Variants in PLXND1 observed in about 807,000 individuals in gnomAD.
The protein encoded by PLXND1 is plexin D1, also known as plexin-D1.
Under a neutral mutation model 197.7 loss-of-function variants are expected in PLXND1, and 54 were observed. The observed-to-expected ratio is 0.27, with a 90% CI of 0.22 to 0.34. PLXND1 has a LOEUF of 0.34. Among genes scored for constraint, PLXND1 ranks in the 10% least tolerant of loss-of-function variants. The pLI, the probability that PLXND1 is intolerant of heterozygous loss-of-function variation, is 1.00. For synonymous variants in PLXND1, 1,180 were observed against 1,161.2 expected (o/e 1.02, Z -0.33); for missense variants, 2,127 against 2,699.2 (o/e 0.79, Z 4.70).
intron 5 of PLXND1, among the ~76,000 whole-genome samples, chr3:129,585,035 G>A (rs2085439482): frequency 6.6e-6 from 1 of 152,110 alleles, no homozygotes; most frequent in African/African-American, 2.4e-5. Context: ...ATCACCTTCA[G>A]GTTTTATCTT....
intron 2 of PLXND1, 25 bp downstream of exon 2, chr3:129,589,326 T>TCC: frequency 2.1e-6 from 1 of 466,608 alleles, no homozygotes; most frequent in Non-Finnish European, 3.7e-6. Flanking sequence ...CCCCACCCCC[T>TCC]CCCCACATCC....
chr3:129,567,480 G>A lies in PLXND1; in HGVS notation c.4086+12C>T, dbSNP rs760927383. ...TGGCACAGGTTCAGGGCAGGCTCAG[G>A]CTCGGGCTGACCTTGGGGAAGAAGG... On this transcript the variant is annotated intron_variant, in intron 22 of 35. Coordinates refer to ENST00000324093, the MANE Select transcript of PLXND1 (RefSeq NM_015103.3). 16 of 1,516,564 alleles carry A rather than the reference G, an allele frequency of 1.1e-5. No individual in the cohort carries two copies. Among genetic ancestry groups the A allele is most frequent in the Non-Finnish European group, 1.5e-5 (16 of 1,101,712 alleles). 93.9% of individuals were successfully genotyped at this position (1,516,564 alleles called of 1,614,324 possible). A position where few individuals can be genotyped will look rare whatever the true frequency, so the allele number is the denominator to read the frequency against.
rs867876946 is a variant in PLXND1 at position 129,565,432 on chromosome 3, TG to T, written c.4428del (p.Lys1477ArgfsTer82). The T allele has an allele frequency of 6.2e-7, 1 of 1,614,002 alleles. No individual in the cohort carries two copies. The highest frequency in any genetic ancestry group is 1.3e-5 in the African/African-American group (1 of 74,942). The part of the protein sequence containing the change: ...LLVDLIDASA[A>X]KNPKLMLRRT... ...CGCCGCAGCATGAGCTTGGGGTTCT[TG>T]GCGGCCGAGGCGTCAATGAGGTCCA... On this transcript the variant is annotated frameshift_variant, in exon 25 of 36. Transcript: ENST00000324093. LOFTEE classifies it high-confidence loss of function.
intron 15 of PLXND1, among the ~76,000 whole-genome samples, 169 bp from the exon 16 acceptor site, chr3:129,572,013 C>A (rs112834794): frequency 1.3e-5 from 2 of 152,158 alleles, no homozygotes; most frequent in Admixed American, 1.3e-4. Flanking sequence ...TTTCCTTACA[C>A]TTCCAAATTC....
chr3:129,584,729 T>A (rs58656084), intron 5 of PLXND1, among the ~76,000 whole-genome samples, 167 bp from the exon 6 acceptor site: 7,776 of 152,254 alleles, frequency 0.051, 288 homozygotes, highest in East Asian at 0.12. Flanking sequence ...CATGTGACCC[T>A]CTGAGCCTCA....
chr3:129,578,037 G>A (rs1011700025), intron 9 of PLXND1, among the ~76,000 whole-genome samples: 1 of 152,214 alleles, frequency 6.6e-6, no homozygotes, highest in African/African-American at 2.4e-5. Flanking sequence ...CTGTGGCACG[G>A]GGCAGGAGAG....
chr3:129,556,441 G>C lies in PLXND1; in HGVS notation c.5662-13C>G. The stretch of plus-strand genomic sequence containing the variant: ...GCGCGGCCATGATCTGAGGGGAGCA[G>C]CGGAGTCAGCCGGGCCATGGCCGGT... On this transcript the variant is annotated splice_polypyrimidine_tract_variant and intron_variant, in intron 35 of 35. Transcript: ENST00000324093. 1 of 1,603,292 alleles carries C rather than the reference G, an allele frequency of 6.2e-7. No homozygotes were observed. The highest frequency in any genetic ancestry group is 1.7e-4 in the Middle Eastern group (1 of 6,034).
chr3:129,603,415 C>A (rs893965283), intron 1 of PLXND1, among the ~76,000 whole-genome samples: 3 of 152,204 alleles, frequency 2.0e-5, no homozygotes, highest in African/African-American at 7.2e-5. Flanking sequence ...CACAGATCAG[C>A]TTACACCAAA....
rs1489595040 is a variant in PLXND1 at position 129,589,485 on chromosome 3, G to A, written c.1354C>T (p.His452Tyr). 2 of 1,606,538 alleles carry A rather than the reference G, an allele frequency of 1.2e-6. No individual in the cohort carries two copies. Residue 452 changes from histidine to tyrosine, a missense_variant, in exon 2 of 36, where the codon CAC becomes TAC. Around this residue, in one of 6 missense-constraint regions of PLXND1, gnomAD observed 1,095 missense variants for 1,259.8 expected, o/e 0.87. Coordinates refer to ENST00000324093, the MANE Select transcript of PLXND1 (RefSeq NM_015103.3). ...QLDCGAAHLQHPLSILQPLKA... is the reference protein window; with the variant it reads ...QLDCGAAHLQYPLSILQPLKA... ...AGGGGCTGCAGGATGGACAGCGGGT[G>A]CTGCAGGTGAGCAGCTCCACAGTCC...
chr3:129,556,784 T>TC (rs2084980699), intron 34 of PLXND1, 93 bp from the exon 35 acceptor site: 2 of 896,638 alleles, frequency 2.2e-6, no homozygotes, highest in Admixed American at 2.0e-5. Context: ...AATCCCCAAC[T>TC]CCCCACGGCC....
Position 129,606,622 on chromosome 3 carries a change from C to T in PLXND1, c.18G>A (p.Ala6=), listed in dbSNP as rs1426765538. 3 of 1,142,368 alleles carry T rather than the reference C, an allele frequency of 2.6e-6. No individual in the cohort carries two copies. Among genetic ancestry groups the T allele is most frequent in the African/African-American group, 1.6e-5 (1 of 60,808 alleles). The allele number at this position is 1,142,368 out of a possible 1,614,324, so 70.8% of individuals were successfully genotyped here. A position where few individuals can be genotyped will look rare whatever the true frequency, so the allele number is the denominator to read the frequency against. MAPRA[A]GGAPLSARAA... Reference sequence around the variant, plus strand: ...CCCGGGCGCTAAGGGGTGCGCCGCCCGCGGCGCGAGGAGCCATCCGGGCGT... The same window carrying T: ...CCCGGGCGCTAAGGGGTGCGCCGCCTGCGGCGCGAGGAGCCATCCGGGCGT... Residue 6 remains alanine (A), a synonymous_variant, in exon 1 of 36, where the codon GCG becomes GCA. Coordinates refer to ENST00000324093, the MANE Select transcript of PLXND1 (RefSeq NM_015103.3).
chr3:129,604,918 T>C (rs1480256354), intron 1 of PLXND1, among the ~76,000 whole-genome samples: 1 of 152,166 alleles, frequency 6.6e-6, no homozygotes, highest in African/African-American at 2.4e-5. Context: ...CGTGCAATGG[T>C]AACTCTGACA....
At position 129,555,686 on chromosome 3, in the gene PLXND1, A is replaced by C. The variant is rs1578296817; in HGVS notation, c.*626T>G. The stretch of plus-strand genomic sequence containing the variant: ...CCTGTGCCCCCCATCCCTCCCCTCC[A>C]CCCTCCCTGCTCCTGGAGAAGCCCA... On this transcript the variant is annotated 3_prime_UTR_variant, in exon 36 of 36. Transcript: ENST00000324093. 6 of 517,426 alleles carry C rather than the reference A, an allele frequency of 1.2e-5. No homozygotes were observed. The highest frequency in any genetic ancestry group is 2.8e-5 in the South Asian group (1 of 36,282). 32.1% of individuals were successfully genotyped at this position (517,426 alleles called of 1,614,324 possible).
chr3:129,605,308 G>GCCGCCA (rs1441059463), intron 1 of PLXND1, 21 bp downstream of exon 1: 19 of 1,159,298 alleles, frequency 1.6e-5, no homozygotes, highest in South Asian at 3.2e-5. Context: ...CGCCGCCGCC[G>GCCGCCA]CCGCCACCGC....
Position 129,603,331 on chromosome 3 carries a change from G to A in PLXND1, c.1311+1998C>T, listed in dbSNP as rs549352966. Among the ~76,000 whole-genome samples the A allele has an allele frequency of 5.9e-5, 9 of 152,324 alleles. No individual in the cohort carries two copies. The East Asian group carries it at 1.3e-3, about 23-fold the overall frequency. ...CCTCAGCTGGGTGAGTCACTGCACCGAGGGAGCGGACCGTGGGAACCAGAA... is the reference window on the plus strand; with the variant it reads ...CCTCAGCTGGGTGAGTCACTGCACCAAGGGAGCGGACCGTGGGAACCAGAA... On this transcript the variant is annotated intron_variant, in intron 1 of 35. Transcript: ENST00000324093.
Position 129,572,753 on chromosome 3 carries a change from G to A in PLXND1, c.2938-5C>T. 1 of 1,600,024 alleles carries A rather than the reference G, an allele frequency of 6.2e-7. No individual in the cohort carries two copies. The highest frequency in any genetic ancestry group is 2.2e-5 in the East Asian group (1 of 44,664). On this transcript the variant is annotated splice_region_variant and splice_polypyrimidine_tract_variant and intron_variant, in intron 14 of 35. Transcript: ENST00000324093. ...CAGGGAGTGGACCAGGGGCAGCTGTGGGAGGAAGGCAGGCGTTTGGGCCTC... is the reference window on the plus strand; with the variant it reads ...CAGGGAGTGGACCAGGGGCAGCTGTAGGAGGAAGGCAGGCGTTTGGGCCTC...
chr3:129,570,672 C>T lies in PLXND1; in HGVS notation c.3750+114G>A, dbSNP rs570969474. Reference sequence around the variant, plus strand: ...TAAAGCTCTGCTTTGCTGGACTGAGCTGTTGAGCGTGAAAACGCTCAGTGA... The same window carrying T: ...TAAAGCTCTGCTTTGCTGGACTGAGTTGTTGAGCGTGAAAACGCTCAGTGA... On this transcript the variant is annotated intron_variant, in intron 19 of 35. Coordinates refer to ENST00000324093, the MANE Select transcript of PLXND1 (RefSeq NM_015103.3). 17 of 1,009,818 alleles carry T rather than the reference C, an allele frequency of 1.7e-5. No homozygotes were observed. In the East Asian group the frequency reaches 4.1e-4, roughly 24 times the overall value. 62.6% of individuals were successfully genotyped at this position (1,009,818 alleles called of 1,614,324 possible).
intron 12 of PLXND1, 139 bp from the exon 13 acceptor site, chr3:129,573,884 G>T: frequency 1.0e-6 from 1 of 956,978 alleles, no homozygotes; most frequent in Non-Finnish European, 1.5e-6. Context: ...CTCAGGTGGG[G>T]CTGGGACTGT....
chr3:129,578,682 C>A (rs2085347808), intron 8 of PLXND1: 2 of 499,150 alleles, frequency 4.0e-6, no homozygotes, highest in East Asian at 7.0e-5. Context: ...CATAACCCGC[C>A]CAGTGGTGGG....
Sources: allele counts gnomAD v4.1 joint callset (sites outside exome capture counted in the v4.1 genomes callset), GRCh38; gene constraint gnomAD v4.1.1; regional missense constraint gnomAD v4.1.1; transcripts MANE v1.5; gene names NCBI Gene and HGNC (gene_info 2026-07-23, HGNC 2026-07-21).